Variants in INVS observed in about 807,000 individuals in gnomAD.
INVS encodes inversion of embryo turning homolog.
In INVS, 86 loss-of-function variants were observed where a neutral mutation model predicts 108.8. That is an observed-to-expected ratio of 0.79 (90% CI 0.66 to 0.95). The LOEUF (loss-of-function observed/expected upper bound fraction) is 0.95, where lower values mean the gene tolerates loss of function less well. Among genes scored for constraint, INVS ranks in the 40% least tolerant of loss-of-function variants. The probability of loss-of-function intolerance (pLI) is 0.00; values close to 1 mark genes in which losing one functional copy is unlikely to be tolerated. For synonymous variants in INVS, 455 were observed against 473.5 expected, an observed-to-expected ratio of 0.96 and a Z score of 0.51; for missense variants, 1,169 against 1,297.4, an observed-to-expected ratio of 0.90 and a Z score of 1.52.
chr9:100,123,777 T>C (rs1588017896), intron 2 of INVS, among the ~76,000 whole-genome samples: 1 of 152,334 alleles, frequency 6.6e-6, no homozygotes, highest in East Asian at 1.9e-4. Flanking sequence ...TGTTATTATG[T>C]ATATTTTTTA....
At chr9:100,175,769 C>A in intron 3 of INVS, 1 of 634,814 alleles carries the variant, frequency 1.6e-6, no homozygotes. Context: ...GCAACCAGAC[C>A]TGGAACATCC....
intron 11 of INVS, 22 bp from the exon 12 acceptor site, chr9:100,272,842 A>G (rs766118189): frequency 2.5e-6 from 4 of 1,599,992 alleles, no homozygotes; most frequent in South Asian, 1.1e-5. Flanking sequence ...TAAAAAAAAA[A>G]GAAATCTTCC....
At chr9:100,257,715 T>C (rs1383142729) in intron 10 of INVS, among the ~76,000 whole-genome samples, 1 of 152,240 alleles carries the variant, frequency 6.6e-6, no homozygotes, top group African/African-American at 2.4e-5. Context: ...TTCTTTTCTT[T>C]AAGAATGTTG....
intron 3 of INVS, among the ~76,000 whole-genome samples, chr9:100,189,158 G>A (rs1055328733): frequency 1.3e-5 from 1 of 74,182 alleles, no homozygotes; most frequent in Non-Finnish European, 2.6e-5. Context: ...TATCAATCTT[G>A]TTTACCTTGT....
chr9:100,216,734 C>T (rs762950964), intron 3 of INVS, among the ~76,000 whole-genome samples: 14 of 152,266 alleles, frequency 9.2e-5, no homozygotes, highest in Admixed American at 4.6e-4. Flanking sequence ...GCCCTGCAGC[C>T]GCAACCACAT....
intron 2 of INVS, chr9:100,117,111 C>T: frequency 5.0e-6 from 6 of 1,206,696 alleles, no homozygotes; most frequent in East Asian, 2.5e-5. Context: ...TGGGGCTTGC[C>T]GATCTTGTTC....
intron 3 of INVS, among the ~76,000 whole-genome samples, chr9:100,222,295 A>G (rs1831175989): frequency 6.6e-6 from 1 of 152,226 alleles, no homozygotes; most frequent in Non-Finnish European, 1.5e-5. Flanking sequence ...CTCATTTCAT[A>G]TGCATAATAA....
chr9:100,225,170 G>C (rs1052218132), intron 3 of INVS, among the ~76,000 whole-genome samples: 1 of 151,182 alleles, frequency 6.6e-6, no homozygotes, highest in Admixed American at 6.6e-5. Context: ...CCATTCTGCT[G>C]CCTCAGCCTC....
At chr9:100,223,422 A>G (rs1160136827) in intron 3 of INVS, among the ~76,000 whole-genome samples, 2 of 152,164 alleles carry the variant, frequency 1.3e-5, no homozygotes, top group Non-Finnish European at 2.9e-5. Context: ...TTTAAATGAA[A>G]ACAAAAACCT....
chr9:100,155,702 A>T (rs2118994649), intron 3 of INVS, among the ~76,000 whole-genome samples: 1 of 152,360 alleles, frequency 6.6e-6, no homozygotes, highest in South Asian at 2.1e-4. Flanking sequence ...CTAAGGACAA[A>T]GACAGCTACA....
At chr9:100,130,995 T>C (rs1412812898) in intron 3 of INVS, 1 of 152,212 alleles carries the variant, frequency 6.6e-6, no homozygotes, top group Non-Finnish European at 1.5e-5. Flanking sequence ...TTATTTATTA[T>C]GTTTCTAGTT....
At chr9:100,191,373 C>A (rs549081723) in intron 3 of INVS, among the ~76,000 whole-genome samples, 2 of 152,108 alleles carry the variant, frequency 1.3e-5, no homozygotes, top group Non-Finnish European at 2.9e-5. Context: ...TTATTCATTT[C>A]TTTTAATTAT....
intron 2 of INVS, among the ~76,000 whole-genome samples, chr9:100,105,132 T>G (rs1267019663): frequency 2.0e-5 from 3 of 152,212 alleles, no homozygotes; most frequent in Non-Finnish European, 2.9e-5. Context: ...CTTAGCTTCC[T>G]GCTAAAGCAG....
At position 100,292,582 on chromosome 9, in the gene INVS, G is replaced by A. The variant is rs751413251; in HGVS notation, c.2325G>A (p.Lys775=). ...ASLPPHDSHW[K]PSRRHDTEPK... ...TTCCACCGCACGATAGCCACTGGAA[G>A]CCCAGCAGGCGGCATGACACAGAAC... The change falls in exon 14 of 17, where the codon AAG becomes AAA. Residue 775 remains lysine (K), a synonymous_variant. Coordinates refer to ENST00000262457, the MANE Select transcript of INVS (RefSeq NM_014425.5). 2 of 1,614,170 alleles carry A rather than the reference G, an allele frequency of 1.2e-6. No individual in the cohort carries two copies. The highest frequency in any genetic ancestry group is 1.7e-6 in the Non-Finnish European group (2 of 1,180,024).
chr9:100,152,079 T>C (rs7858045), intron 3 of INVS, among the ~76,000 whole-genome samples: 31,954 of 152,136 alleles, frequency 0.21, 5,703 homozygotes, highest in African/African-American at 0.49. Context: ...TTAGGTAAAA[T>C]TGACCATTGT....
intron 10 of INVS, among the ~76,000 whole-genome samples, chr9:100,264,171 A>C (rs1832714573): frequency 6.6e-6 from 1 of 152,210 alleles, no homozygotes; most frequent in Non-Finnish European, 1.5e-5. Context: ...AAAGAATACA[A>C]GCCATTTATT....
chr9:100,190,146 T>C (rs1286523946), intron 3 of INVS, among the ~76,000 whole-genome samples: 2 of 152,228 alleles, frequency 1.3e-5, no homozygotes, highest in Non-Finnish European at 2.9e-5. Context: ...TTTGTCTTTT[T>C]TTCTTTTAAC....
At chr9:100,282,940 C>G (rs1006049385) in intron 12 of INVS, among the ~76,000 whole-genome samples, 2 of 152,228 alleles carry the variant, frequency 1.3e-5, no homozygotes, top group Admixed American at 1.3e-4. Flanking sequence ...TGAGTTCTCT[C>G]TAGCCTAAGT....
At chr9:100,100,753 TA>T (rs1342568143) in intron 1 of INVS, among the ~76,000 whole-genome samples, 1 of 42,114 alleles carries the variant, frequency 2.4e-5, no homozygotes. Context: ...TATGTACATA[TA>T]ATATATATAA....
Sources: allele counts gnomAD v4.1 joint callset (sites outside exome capture counted in the v4.1 genomes callset), GRCh38; gene constraint gnomAD v4.1.1; transcripts MANE v1.5; gene names NCBI Gene and HGNC (gene_info 2026-07-23, HGNC 2026-07-21).